PYGB: variants seen among roughly 807,000 people sequenced by gnomAD.
PYGB encodes glycogen phosphorylase, brain form.
A neutral mutation model predicts 94.3 loss-of-function variants in PYGB; 82 were observed. That is an observed-to-expected ratio of 0.87 (90% CI 0.73 to 1.04). PYGB has a LOEUF of 1.04. Ranked by LOEUF, PYGB falls within the 50% of genes least tolerant of loss-of-function variation. PYGB has a pLI of 0.00. For missense variants in PYGB, 1,132 were observed against 1,158.2 expected (o/e 0.98, Z 0.33); for synonymous variants, 488 against 479.1 (o/e 1.02, Z -0.24).
At chr20:25,258,929 G>A (rs1341354056) in intron 1 of PYGB, among the ~76,000 whole-genome samples, 1 of 152,216 alleles carries the variant, frequency 6.6e-6, no homozygotes, top group Non-Finnish European at 1.5e-5. Flanking sequence ...GTCCAGTTCT[G>A]GGTGCCTTGG....
chr20:25,284,308 C>G, intron 14 of PYGB, 57 bp downstream of exon 14: 1 of 1,581,644 alleles, frequency 6.3e-7, no homozygotes, highest in Non-Finnish European at 8.6e-7. Flanking sequence ...TTGCCCTTGC[C>G]CGCCAGCTGT....
Position 25,294,294 on chromosome 20 carries a change from T to C in PYGB, c.2312+2T>C. On this transcript the variant is annotated splice_donor_variant, in intron 18 of 19. Transcript: ENST00000216962. LOFTEE classifies it high-confidence loss of function. ...GAACATGCTGATGCACCATGACAGG[T>C]GGGACCGACTTCCCTGGTTGGGTGG... The C allele has an allele frequency of 1.8e-6, 2 of 1,113,216 alleles. No homozygotes were observed. The highest frequency in any genetic ancestry group is 2.4e-6 in the Non-Finnish European group (2 of 828,236). 69.0% of individuals were successfully genotyped at this position (1,113,216 alleles called of 1,614,324 possible). A position where few individuals can be genotyped will look rare whatever the true frequency, so the allele number is the denominator to read the frequency against.
At chr20:25,293,230 C>T (rs1600744246) in intron 17 of PYGB, among the ~76,000 whole-genome samples, 2 of 152,156 alleles carry the variant, frequency 1.3e-5, no homozygotes, top group South Asian at 4.2e-4. Context: ...CTTATCCCCG[C>T]GCCCCTCCGT....
chr20:25,288,708 A>G, intron 15 of PYGB: 1 of 578,654 alleles, frequency 1.7e-6, no homozygotes, highest in East Asian at 2.9e-5. Flanking sequence ...CCCAGCCTAG[A>G]GGGCCAGTCC....
intron 1 of PYGB, among the ~76,000 whole-genome samples, chr20:25,253,623 T>TAAATAAAATA (rs61580405): frequency 0.2 from 28,861 of 146,054 alleles, 3,144 homozygotes; most frequent in East Asian, 0.48. Context: ...CAACTCTGCC[T>TAAATAAAATA]AAATAAAATA....
At chr20:25,266,439 C>T (rs2088219172) in intron 2 of PYGB, among the ~76,000 whole-genome samples, 1 of 152,030 alleles carries the variant, frequency 6.6e-6, no homozygotes, top group East Asian at 1.9e-4. Context: ...TAAAAGAATA[C>T]AACTTTTAGA....
At chr20:25,265,694 A>C (rs2088211992) in intron 2 of PYGB, among the ~76,000 whole-genome samples, 1 of 148,452 alleles carries the variant, frequency 6.7e-6, no homozygotes, top group Admixed American at 6.9e-5. Flanking sequence ...TCCCGGGTTC[A>C]CACCATTCTC....
At chr20:25,271,049 A>AG (rs2088261990) in intron 3 of PYGB, among the ~76,000 whole-genome samples, 1 of 152,150 alleles carries the variant, frequency 6.6e-6, no homozygotes, top group Non-Finnish European at 1.5e-5. Flanking sequence ...GGAACGTGCA[A>AG]GGGATTGGCG....
In PYGB at chr20:25,263,470, A is replaced by T. The variant is rs567003843; in HGVS notation, c.345+4132A>T. ...GGAGATAGAGACACAAAAAACTCTT[A>T]AAAAAATCGAAGACTCCAGGAGCTG... On this transcript the variant is annotated intron_variant, in intron 2 of 19. Transcript: ENST00000216962. Among the ~76,000 whole-genome samples the T allele has an allele frequency of 1.8e-3, 267 of 152,254 alleles. 1 individual carries two copies. Among genetic ancestry groups the T allele is most frequent in the African/African-American group, 6.2e-3 (259 of 41,558 alleles).
chr20:25,271,637 C>G (rs1448385254), intron 4 of PYGB, 151 bp downstream of exon 4: 2 of 794,950 alleles, frequency 2.5e-6, no homozygotes, highest in Non-Finnish European at 4.1e-6. Context: ...GGGTAGCATC[C>G]TTGCTCCGGC....
chr20:25,255,282 G>A (rs1477217595), intron 1 of PYGB, among the ~76,000 whole-genome samples: 1 of 152,206 alleles, frequency 6.6e-6, no homozygotes, highest in Non-Finnish European at 1.5e-5. Flanking sequence ...GCAGGTGGGA[G>A]GCCCCTCAAC....
At chr20:25,274,796 G>C in intron 5 of PYGB, 73 bp downstream of exon 5, 1 of 1,546,282 alleles carries the variant, frequency 6.5e-7, no homozygotes, top group Non-Finnish European at 8.7e-7. Flanking sequence ...TTTGTAGACA[G>C]CTCAGCTTCT....
intron 1 of PYGB, among the ~76,000 whole-genome samples, chr20:25,254,197 A>G (rs2092896689): frequency 6.6e-6 from 1 of 152,214 alleles, no homozygotes; most frequent in Non-Finnish European, 1.5e-5. Context: ...AACTCTGGAC[A>G]TTTTAATCAA....
chr20:25,292,609 A>G lies in PYGB; in HGVS notation c.2173A>G (p.Lys725Glu), dbSNP rs139606197. Residue 725 changes from lysine (K) to glutamate (E), a missense_variant, in exon 17 of 20, where the codon AAA becomes GAA. By Grantham distance (56) the Lys-to-Glu change is moderately conservative. Coordinates refer to ENST00000216962, the MANE Select transcript of PYGB (RefSeq NM_002862.4). Reference protein sequence around the residue: ...RVEDVEALDRKGYNAREYYDH... With the variant: ...RVEDVEALDREGYNAREYYDH... Reference sequence around the variant, plus strand: ...GGAGGATGTCGAGGCCTTGGACCGGAAAGGGTGCGAGCCTGTGCCCCTGGG... The same window carrying G: ...GGAGGATGTCGAGGCCTTGGACCGGGAAGGGTGCGAGCCTGTGCCCCTGGG... The G allele has an allele frequency of 9.9e-5, 160 of 1,610,986 alleles. No individual in the cohort carries two copies. The highest frequency in any genetic ancestry group is 9.6e-4 in the African/African-American group (72 of 75,036).
intron 14 of PYGB, chr20:25,284,845 T>A (rs1422666946): frequency 6.6e-6 from 1 of 152,210 alleles, no homozygotes. Context: ...TGTGTTAAAT[T>A]TACACATGCA....
At chr20:25,294,567 G>A (rs1321308745) in intron 18 of PYGB, among the ~76,000 whole-genome samples, 1 of 152,226 alleles carries the variant, frequency 6.6e-6, no homozygotes, top group Non-Finnish European at 1.5e-5. Flanking sequence ...GCAGGAGGGG[G>A]TGTCCTCTGC....
rs1397391261 is a variant in PYGB at position 25,292,388 on chromosome 20, A to G, written c.1970-18A>G. 1 of 1,609,904 alleles carries G rather than the reference A, an allele frequency of 6.2e-7. No homozygotes were observed. The stretch of plus-strand genomic sequence containing the variant: ...TGGGGTCCTCACAGTGATCCCCTCC[A>G]CGGGCTCCCCTCCACAGTGATCCCG... On this transcript the variant is annotated intron_variant, in intron 16 of 19. Coordinates refer to ENST00000216962, the MANE Select transcript of PYGB (RefSeq NM_002862.4).
chr20:25,287,311 G>A (rs1030809490), intron 14 of PYGB, among the ~76,000 whole-genome samples: 3 of 152,232 alleles, frequency 2.0e-5, no homozygotes, highest in East Asian at 3.8e-4. Context: ...CAAGGCTGAG[G>A]TTGCCACTTT....
chr20:25,259,785 C>T (rs1030909635), intron 2 of PYGB, among the ~76,000 whole-genome samples: 6 of 152,170 alleles, frequency 3.9e-5, no homozygotes, highest in Admixed American at 1.3e-4. Context: ...AAAACAAAAC[C>T]TGCCTTTTCT....
Sources: allele counts gnomAD v4.1 joint callset (sites outside exome capture counted in the v4.1 genomes callset), GRCh38; gene constraint gnomAD v4.1.1; transcripts MANE v1.5; gene names NCBI Gene and HGNC (gene_info 2026-07-23, HGNC 2026-07-21).